The following NUP88 variants were observed in gnomAD, a reference collection of about 807,000 sequenced individuals.
NUP88 encodes the protein nuclear pore complex protein Nup88.
NUP88 carries 57 observed loss-of-function variants against 93.9 expected under a neutral mutation model. That is an observed-to-expected ratio of 0.61 (90% CI 0.49 to 0.76). The LOEUF is 0.76. Among genes scored for constraint, NUP88 ranks in the 30% least tolerant of loss-of-function variants. NUP88 has a pLI of 0.00. For missense variants in NUP88, 911 were observed against 901.0 expected, an observed-to-expected ratio of 1.01 and a Z score of -0.14; for synonymous variants, 346 against 336.8, an observed-to-expected ratio of 1.03 and a Z score of -0.30.
chr17:5,403,749 A>G (rs1913312727), intron 7 of NUP88, among the ~76,000 whole-genome samples: 1 of 152,196 alleles, frequency 6.6e-6, no homozygotes. Context: ...TAACACTGCA[A>G]TGGGCATGGG....
intron 7 of NUP88, among the ~76,000 whole-genome samples, chr17:5,400,012 C>A (rs145357519): frequency 1.5e-4 from 23 of 151,446 alleles, no homozygotes; most frequent in African/African-American, 5.6e-4. Context: ...AGTGTTACGT[C>A]AAAAAATATG....
intron 8 of NUP88, 125 bp downstream of exon 8, chr17:5,399,427 C>T: frequency 1.7e-6 from 1 of 581,204 alleles, no homozygotes; most frequent in Non-Finnish European, 3.0e-6. Context: ...TTGATCTTTT[C>T]AAAGAACCTT....
At chr17:5,409,374 CA>C (rs10611297) in intron 4 of NUP88, among the ~76,000 whole-genome samples, 3,258 of 99,780 alleles carry the variant, frequency 0.033, 36 homozygotes, top group African/African-American at 0.08. Context: ...AACTCCGTCT[CA>C]AAAAAAAAAA....
At chr17:5,397,959 G>C (rs1912882091) in intron 8 of NUP88, among the ~76,000 whole-genome samples, 1 of 130,648 alleles carries the variant, frequency 7.7e-6, no homozygotes, top group Non-Finnish European at 1.6e-5. Context: ...CTGGAGTGCA[G>C]TGGTGTGATC....
At chr17:5,409,817 A>G (rs1913724582) in intron 4 of NUP88, among the ~76,000 whole-genome samples, 3 of 152,244 alleles carry the variant, frequency 2.0e-5, no homozygotes, top group African/African-American at 7.2e-5. Context: ...CTCTGATAAG[A>G]TATTTGAGCA....
At position 5,388,878 on chromosome 17, in the gene NUP88, C is replaced by G; in HGVS notation, c.1567G>C (p.Ala523Pro). ...EVAESPLRVL[A>P]ETPDSFEKHI... ...TTTTCAAAGGAATCTGGGGTTTCAG[C>G]CAGAACACGGAGGGGAGACTCTGCC... Residue 523 changes from alanine to proline, a missense_variant, in exon 11 of 17, where the codon GCT becomes CCT. By Grantham distance (27) the Ala-to-Pro change is conservative. Transcript: ENST00000573584. 6.2e-7 allele frequency: 1 copy of G among 1,613,934 alleles called. No individual in the cohort carries two copies. The highest frequency in any genetic ancestry group is 8.5e-7 in the Non-Finnish European group (1 of 1,179,876).
chr17:5,411,598 CCAAA>C (rs1298500371), intron 3 of NUP88, among the ~76,000 whole-genome samples: 1 of 145,668 alleles, frequency 6.9e-6, no homozygotes, highest in African/African-American at 2.5e-5. Flanking sequence ...AAAAAAAAAA[CCAAA>C]CAAACAAACC....
chr17:5,416,773 AC>A lies in NUP88; in HGVS notation c.298-92del, dbSNP rs1461836044. The stretch of plus-strand genomic sequence containing the variant: ...AAATCACAGTAATACTTAGTTTACT[AC>A]AATTATAGGATAATAAAACTCTGGA... On this transcript the variant is annotated intron_variant, in intron 1 of 16. Coordinates refer to ENST00000573584, the MANE Select transcript of NUP88 (RefSeq NM_002532.6). 5.1e-6 allele frequency: 5 copies of A among 977,040 alleles called. No homozygotes were observed. The Admixed American group carries it at 1.3e-4, about 25-fold the overall frequency. 60.5% of individuals were successfully genotyped at this position (977,040 alleles called of 1,614,324 possible).
At position 5,394,909 on chromosome 17, in the gene NUP88, G is replaced by A. The variant is rs891860376; in HGVS notation, c.1364C>T (p.Thr455Met). 8 of 1,612,850 alleles carry A rather than the reference G, an allele frequency of 5.0e-6. No individual in the cohort carries two copies. The highest frequency in any genetic ancestry group is 2.2e-5 in the South Asian group (2 of 91,044). ...TCCTTACCTGCAGGGCAATGGCTTC[G>A]TACAAAGGATGTGTTCAACAAAGCA... is the stretch of plus-strand genomic sequence containing the variant. The part of the protein sequence containing the change: ...QKCFVEHILC[T>M]KPLPCRQPAP... Residue 455 changes from threonine to methionine, a missense_variant, in exon 9 of 17, where the codon ACG (threonine) becomes ATG (methionine). Physicochemically the swap from Thr to Met is moderately conservative, Grantham distance 81. Transcript: ENST00000573584.
chr17:5,400,839 C>A (rs1913116857), intron 7 of NUP88, among the ~76,000 whole-genome samples: 1 of 152,192 alleles, frequency 6.6e-6, no homozygotes. Flanking sequence ...ATAATGTTGA[C>A]TTACAGATAG....
In NUP88 at chr17:5,394,118, G is replaced by A. The variant is rs960707784; in HGVS notation, c.1382+773C>T. The stretch of plus-strand genomic sequence containing the variant: ...AGGAGCCCAGTAGGCAGCTGGGTAT[G>A]TGAATCTGGAGTTCAGAGTGGTCTG... On this transcript the variant is annotated intron_variant, in intron 9 of 16. Transcript: ENST00000573584. 9.9e-5 allele frequency among the ~76,000 whole-genome samples: 15 copies of A among 152,178 alleles called. 1 individual carries two copies. The highest frequency in any genetic ancestry group is 3.1e-4 in the African/African-American group (13 of 41,430).
At chr17:5,398,009 C>T (rs534325319) in intron 8 of NUP88, among the ~76,000 whole-genome samples, 17 of 151,430 alleles carry the variant, frequency 1.1e-4, no homozygotes, top group Non-Finnish European at 2.1e-4. Flanking sequence ...CAGGTTCAAG[C>T]GATTCTCCTG....
chr17:5,414,226 T>C, intron 2 of NUP88, 92 bp from the exon 3 acceptor site: 1 of 1,158,138 alleles, frequency 8.6e-7, no homozygotes, highest in Non-Finnish European at 1.2e-6. Context: ...ATGGAGTTTC[T>C]CTCTTGTTGC....
intron 7 of NUP88, among the ~76,000 whole-genome samples, chr17:5,402,246 G>A (rs1396243193): frequency 6.6e-6 from 1 of 151,952 alleles, no homozygotes; most frequent in Non-Finnish European, 1.5e-5. Flanking sequence ...GGCGGAGGTT[G>A]AAGTGAGCCA....
chr17:5,405,138 G>A lies in NUP88; in HGVS notation c.963C>T (p.Pro321=). ...ACAVLCLPCV[P]NILVIATESG... is the part of the protein sequence containing the mutation. ...ATTCAGTAGCGATCACTAAGATATT[G>A]GGGACACAGGGTAAGCAGAGTACAG... The change falls in exon 6 of 17, where the codon CCC becomes CCT. Residue 321 remains proline (P), a synonymous_variant. Transcript: ENST00000573584. 6.2e-7 allele frequency: 1 copy of A among 1,614,130 alleles called. No individual in the cohort carries two copies. The highest frequency in any genetic ancestry group is 1.1e-5 in the South Asian group (1 of 91,086).
chr17:5,401,749 A>C (rs1477275149), intron 7 of NUP88, among the ~76,000 whole-genome samples: 3 of 152,240 alleles, frequency 2.0e-5, no homozygotes, highest in African/African-American at 7.2e-5. Context: ...CATTAAATCT[A>C]ACATTGTTAA....
chr17:5,390,198 G>GT (rs1353630396), intron 10 of NUP88, among the ~76,000 whole-genome samples: 2 of 150,572 alleles, frequency 1.3e-5, no homozygotes, highest in Non-Finnish European at 3.0e-5. Flanking sequence ...GACAATTAAT[G>GT]TTTATTTTTC....
intron 2 of NUP88, among the ~76,000 whole-genome samples, chr17:5,415,913 G>A (rs1914107308): frequency 6.6e-6 from 1 of 151,928 alleles, no homozygotes; most frequent in Non-Finnish European, 1.5e-5. Flanking sequence ...GGGAGGCTAA[G>A]GTGGGTGGAT....
chr17:5,415,969 A>G (rs1242121819), intron 2 of NUP88, among the ~76,000 whole-genome samples: 1 of 151,216 alleles, frequency 6.6e-6, no homozygotes, highest in East Asian at 1.9e-4. Flanking sequence ...ACATGGTGAA[A>G]CCCCGTCTCT....
Sources: gnomAD v4.1 joint callset for allele counts (sites outside exome capture counted in the v4.1 genomes callset) on GRCh38, gnomAD v4.1.1 for gene constraint, MANE v1.5 for transcripts, NCBI Gene and HGNC (gene_info 2026-07-23, HGNC 2026-07-21) for gene names.